Variants in UNC79 observed in about 807,000 individuals in gnomAD.
UNC79 encodes the protein unc-79 subunit of NALCN channel complex, also known as protein unc-79 homolog.
Under a neutral mutation model 283.1 loss-of-function variants are expected in UNC79, and 37 were observed. That is an observed-to-expected ratio of 0.13 (90% CI 0.10 to 0.17). The LOEUF is 0.17. Ranked by LOEUF, UNC79 falls within the 10% of genes least tolerant of loss-of-function variation. The pLI, the probability that UNC79 is intolerant of heterozygous loss-of-function variation, is 1.00. For missense variants in UNC79, 2,272 were observed against 3,211.1 expected (o/e 0.71, Z 7.07); for synonymous variants, 1,107 against 1,200.2 (o/e 0.92, Z 1.61).
chr14:93,354,569 C>T (rs2054047232), intron 1 of UNC79, among the ~76,000 whole-genome samples: 1 of 152,182 alleles, frequency 6.6e-6, no homozygotes, highest in African/African-American at 2.4e-5. Context: ...GCTATCGTGG[C>T]TTACTGTACC....
At chr14:93,419,264 G>A (rs1456449192) in intron 1 of UNC79, among the ~76,000 whole-genome samples, 1 of 151,064 alleles carries the variant, frequency 6.6e-6, no homozygotes, top group Non-Finnish European at 1.5e-5. Flanking sequence ...CACTTCCCAG[G>A]TTCAAGCAGT....
intron 27 of UNC79, among the ~76,000 whole-genome samples, chr14:93,614,419 C>T (rs1401853673): frequency 2.0e-5 from 3 of 151,966 alleles, no homozygotes; most frequent in African/African-American, 4.8e-5. Flanking sequence ...TGGGTTCAGG[C>T]CATTCTCCTG....
intron 14 of UNC79, among the ~76,000 whole-genome samples, chr14:93,567,615 C>G (rs11850423): frequency 0.061 from 9,326 of 152,320 alleles, 329 homozygotes; most frequent in Middle Eastern, 0.11. Flanking sequence ...TGAGCCTACT[C>G]TGGCTCAGAA....
At chr14:93,703,032 G>T (rs1263871351) in intron 47 of UNC79, among the ~76,000 whole-genome samples, 1 of 152,212 alleles carries the variant, frequency 6.6e-6, no homozygotes, top group Non-Finnish European at 1.5e-5. Flanking sequence ...CCCCTAATTT[G>T]GCATTTAGGG....
chr14:93,363,736 T>G (rs1406441945), intron 1 of UNC79, among the ~76,000 whole-genome samples: 6 of 152,096 alleles, frequency 3.9e-5, no homozygotes, highest in East Asian at 1.9e-4. Flanking sequence ...CTTTTTTTTT[T>G]GAGATGGAGT....
At chr14:93,667,602 A>G (rs2072358099) in intron 40 of UNC79, among the ~76,000 whole-genome samples, 1 of 152,192 alleles carries the variant, frequency 6.6e-6, no homozygotes, top group South Asian at 2.1e-4. Context: ...GACAACTTCT[A>G]CTAAACATTT....
At chr14:93,568,815 A>G (rs1265682756) in intron 14 of UNC79, among the ~76,000 whole-genome samples, 1 of 152,206 alleles carries the variant, frequency 6.6e-6, no homozygotes, top group Non-Finnish European at 1.5e-5. Flanking sequence ...TTACCTATTC[A>G]TTATAAGGGC....
At chr14:93,495,404 G>A (rs1046230042) in intron 5 of UNC79, among the ~76,000 whole-genome samples, 4 of 152,086 alleles carry the variant, frequency 2.6e-5, no homozygotes, top group Non-Finnish European at 5.9e-5. Context: ...AACAGCATGG[G>A]GCAAACTGCC....
chr14:93,612,561 C>A (rs2066387130), intron 26 of UNC79, among the ~76,000 whole-genome samples: 1 of 152,154 alleles, frequency 6.6e-6, no homozygotes, highest in African/African-American at 2.4e-5. Flanking sequence ...TATTTTTATT[C>A]CCATTCCCTA....
At chr14:93,406,146 T>A (rs1263453655) in intron 1 of UNC79, among the ~76,000 whole-genome samples, 2 of 152,204 alleles carry the variant, frequency 1.3e-5, no homozygotes, top group Non-Finnish European at 2.9e-5. Context: ...TATAATTGGA[T>A]GAGAAAATTG....
rs114159624 is a variant in UNC79, at chr14:93,450,169, G to T, written c.23-17502G>T. On this transcript the variant is annotated intron_variant, in intron 1 of 48. Coordinates refer to ENST00000555664, the Ensembl canonical transcript of UNC79. The stretch of plus-strand genomic sequence containing the variant: ...CTCTGACCAAAAATGTGGTCAGGGA[G>T]TGGGTTACTCTATGTTTTCTGCTTA... Among the ~76,000 whole-genome samples the T allele has an allele frequency of 5.9e-3, 894 of 152,268 alleles. 9 individuals carry two copies. Among genetic ancestry groups the T allele is most frequent in the African/African-American group, 0.021 (853 of 41,548 alleles).
In UNC79 at chr14:93,690,108, C is replaced by T. The variant is rs2140930844; in HGVS notation, c.7086-9C>T. On this transcript the variant is annotated splice_polypyrimidine_tract_variant and intron_variant, in intron 44 of 48. Coordinates refer to ENST00000555664, the Ensembl canonical transcript of UNC79. The surrounding 1 kb of genome is among the most constrained non-coding windows in gnomAD (Gnocchi z 4.3). ...AAAATCATCTTTAACACTCCTTCTT[C>T]TCTAATAGACCTAAAGAATTCATTG... 6.2e-7 allele frequency: 1 copy of T among 1,613,158 alleles called. No homozygotes were observed. The highest frequency in any genetic ancestry group is 8.5e-7 in the Non-Finnish European group (1 of 1,179,482).
At chr14:93,582,377 A>G (rs1308448807) in intron 20 of UNC79, 33 bp downstream of exon 20, 12 of 1,607,660 alleles carry the variant, frequency 7.5e-6, no homozygotes, top group Non-Finnish European at 1.0e-5. Context: ...GGAATGCGCC[A>G]CGTGCACATG....
chr14:93,439,398 C>T (rs976380240), intron 1 of UNC79, among the ~76,000 whole-genome samples: 3 of 151,330 alleles, frequency 2.0e-5, no homozygotes, highest in South Asian at 2.1e-4. Context: ...TTTTTTAAAC[C>T]GAAATGGGTG....
intron 1 of UNC79, among the ~76,000 whole-genome samples, chr14:93,364,053 G>A (rs2054278569): frequency 6.6e-6 from 1 of 152,068 alleles, no homozygotes; most frequent in South Asian, 2.1e-4. Context: ...TTTTGATCAT[G>A]TTGGTTTAAA....
intron 26 of UNC79, among the ~76,000 whole-genome samples, chr14:93,608,049 G>A (rs942139014): frequency 1.7e-4 from 26 of 152,206 alleles, no homozygotes; most frequent in African/African-American, 6.0e-4. Flanking sequence ...TTTTTGAGAT[G>A]GGGTCTTGCT....
At chr14:93,704,570 C>G in intron 47 of UNC79, 55 bp from the exon 51 acceptor site, 12 of 1,596,180 alleles carry the variant, frequency 7.5e-6, no homozygotes, top group Non-Finnish European at 1.0e-5. Context: ...ATGAGCGAAG[C>G]TTTGTGGGAG....
chr14:93,695,890 C>CAAAAAA (rs535235954), intron 47 of UNC79, among the ~76,000 whole-genome samples: 684 of 39,398 alleles, frequency 0.017, 60 homozygotes, highest in Middle Eastern at 0.083. Flanking sequence ...GACTTTGTCT[C>CAAAAAA]AAAAAAAAAA....
intron 30 of UNC79, among the ~76,000 whole-genome samples, chr14:93,630,570 A>G (rs1254696898): frequency 1.3e-5 from 2 of 152,246 alleles, no homozygotes; most frequent in Non-Finnish European, 1.5e-5. Flanking sequence ...TAATTTTGCT[A>G]TCATTAATCT....
Sources: allele counts gnomAD v4.1 joint callset (sites outside exome capture counted in the v4.1 genomes callset), GRCh38; gene constraint gnomAD v4.1.1; non-coding constraint Gnocchi (gnomAD v3.1); transcripts MANE v1.5; gene names NCBI Gene and HGNC (gene_info 2026-07-23, HGNC 2026-07-21).